SYNRG: variants seen among roughly 807,000 people sequenced by gnomAD.
The protein encoded by SYNRG is AP1 gamma subunit binding protein 1.
Under a neutral mutation model 130.9 loss-of-function variants are expected in SYNRG, and 37 were observed. The ratio of observed to expected loss-of-function variants is 0.28; its 90% CI spans 0.22 to 0.37. The LOEUF (loss-of-function observed/expected upper bound fraction) is 0.37, where lower values mean the gene tolerates loss of function less well. SYNRG is among the 10% of genes least tolerant of loss of function. The pLI, the probability that SYNRG is intolerant of heterozygous loss-of-function variation, is 1.00. For missense variants in SYNRG, 1,338 were observed against 1,588.9 expected (o/e 0.84, Z 2.68); for synonymous variants, 539 against 568.1 (o/e 0.95, Z 0.73).
Position 37,595,229 on chromosome 17 carries a change from G to A in SYNRG, c.240+994C>T, listed in dbSNP as rs191663555. The stretch of plus-strand genomic sequence containing the variant: ...AAACAGAAGCTTTATTTGCATAATC[G>A]ACTTCAAAACAACAATGGTTTCAAC... On this transcript the variant is annotated intron_variant, in intron 3 of 21. Coordinates refer to ENST00000612223, the MANE Select transcript of SYNRG (RefSeq NM_007247.6). Among the ~76,000 whole-genome samples, 14 of 152,166 alleles carry A rather than the reference G, an allele frequency of 9.2e-5. 1 individual carries two copies. Among genetic ancestry groups the A allele is most frequent in the Admixed American group, 1.3e-4 (2 of 15,296 alleles).
At chr17:37,537,399 G>A (rs1388833799) in intron 18 of SYNRG, 1 of 152,458 alleles carries the variant, frequency 6.6e-6, no homozygotes, top group African/African-American at 2.4e-5. Context: ...AGGCCAAGGT[G>A]GGTGGGTCGC....
chr17:37,560,044 T>C (rs2059409527), intron 13 of SYNRG, among the ~76,000 whole-genome samples: 1 of 152,144 alleles, frequency 6.6e-6, no homozygotes, highest in South Asian at 2.1e-4. Context: ...GCCACAGGTG[T>C]GCACCACCAT....
At chr17:37,543,344 A>C (rs893709098) in intron 14 of SYNRG, among the ~76,000 whole-genome samples, 3 of 152,030 alleles carry the variant, frequency 2.0e-5, no homozygotes, top group Admixed American at 2.0e-4. Flanking sequence ...AAAGAAGAAA[A>C]AGAAAGAACT....
intron 3 of SYNRG, among the ~76,000 whole-genome samples, chr17:37,588,255 ATTC>A (rs1406166971): frequency 2.1e-5 from 3 of 142,594 alleles, no homozygotes; most frequent in Non-Finnish European, 4.5e-5. Context: ...TTCACTTTAA[ATTC>A]TTTTTTTTTT....
rs1053686820 is a variant in SYNRG, at chr17:37,594,619, G to A, written c.240+1604C>T. Among the ~76,000 whole-genome samples, 17 of 151,786 alleles carry A rather than the reference G, an allele frequency of 1.1e-4. No individual in the cohort carries two copies. The East Asian group carries it at 1.4e-3, about 12-fold the overall frequency. On this transcript the variant is annotated intron_variant, in intron 3 of 21. Coordinates refer to ENST00000612223, the MANE Select transcript of SYNRG (RefSeq NM_007247.6). Reference sequence around the variant, plus strand: ...TGGGATTACAGGCATGCACCACCACGCCCGGCTAATTTTTGTATTTTTAGT... The same window carrying A: ...TGGGATTACAGGCATGCACCACCACACCCGGCTAATTTTTGTATTTTTAGT...
intron 8 of SYNRG, among the ~76,000 whole-genome samples, chr17:37,574,194 G>A (rs1331913231): frequency 6.6e-6 from 1 of 152,022 alleles, no homozygotes; most frequent in Non-Finnish European, 1.5e-5. Flanking sequence ...TGGAAAAACT[G>A]GATCTCCATA....
chr17:37,569,031 A>T, intron 10 of SYNRG, 107 bp from the exon 11 acceptor site: 1 of 1,209,318 alleles, frequency 8.3e-7, no homozygotes, highest in South Asian at 1.5e-5. Flanking sequence ...CTCAGTTTAG[A>T]TACATTAACT....
At chr17:37,569,625 A>G (rs1326613563) in intron 10 of SYNRG, among the ~76,000 whole-genome samples, 2 of 148,406 alleles carry the variant, frequency 1.3e-5, no homozygotes, top group African/African-American at 5.0e-5. Flanking sequence ...ACTGCACTCC[A>G]GCCTGGGCAA....
At chr17:37,523,585 TC>T (rs1442029260) in intron 19 of SYNRG, among the ~76,000 whole-genome samples, 1 of 152,216 alleles carries the variant, frequency 6.6e-6, no homozygotes, top group Admixed American at 6.5e-5. Context: ...GAATGGAATC[TC>T]AGGTGGGAGC....
intron 6 of SYNRG, among the ~76,000 whole-genome samples, chr17:37,580,763 G>C (rs967146421): frequency 2.0e-5 from 3 of 151,872 alleles, no homozygotes; most frequent in Admixed American, 2.0e-4. Flanking sequence ...TTGAACTCCT[G>C]ACCTCATGAT....
intron 11 of SYNRG, 66 bp downstream of exon 11, chr17:37,568,725 T>TC: frequency 1.9e-6 from 3 of 1,559,190 alleles, no homozygotes; most frequent in Non-Finnish European, 2.6e-6. Flanking sequence ...CACCTAGCCT[T>TC]CCTATTATGG....
Position 37,576,437 on chromosome 17 carries a change from TA to T in SYNRG, c.824-20del. On this transcript the variant is annotated intron_variant, in intron 7 of 21. Transcript: ENST00000612223. The stretch of plus-strand genomic sequence containing the variant: ...CCCACACCTAGAAGGTAAGAAACAT[TA>T]ATGTATATAGTGGTCCATGGAGAAG... The T allele has an allele frequency of 6.2e-7, 1 of 1,610,242 alleles. No individual in the cohort carries two copies. The highest frequency in any genetic ancestry group is 8.5e-7 in the Non-Finnish European group (1 of 1,177,054).
At chr17:37,580,508 T>TGAGAGAGAGAGAGAGAGAGAGA (rs1470548930) in intron 6 of SYNRG, among the ~76,000 whole-genome samples, 5 of 133,704 alleles carry the variant, frequency 3.7e-5, no homozygotes, top group African/African-American at 1.3e-4. Context: ...TGTGTGTGTG[T>TGAGAGAGAGAGAGAGAGAGAGA]GTGAGAGAGA....
Position 37,539,179 on chromosome 17 carries a change from G to C in SYNRG, c.3420+13C>G, listed in dbSNP as rs374874174. ...CACTCACATATGTGTGAACGCGTAA[G>C]TGACATACTCACATTCAGGGCACTC... On this transcript the variant is annotated intron_variant, in intron 17 of 21. Coordinates refer to ENST00000612223, the MANE Select transcript of SYNRG (RefSeq NM_007247.6). The C allele has an allele frequency of 5.0e-6, 8 of 1,613,890 alleles. No homozygotes were observed. In the African/African-American group the frequency reaches 5.3e-5, roughly 11 times the overall value.
intron 19 of SYNRG, among the ~76,000 whole-genome samples, chr17:37,531,319 A>C (rs1031342742): frequency 6.6e-6 from 1 of 152,212 alleles, no homozygotes; most frequent in Non-Finnish European, 1.5e-5. Context: ...GAAGTGGGCA[A>C]GGGTAACAAG....
At chr17:37,569,022 TCA>T in intron 10 of SYNRG, 98 bp from the exon 11 acceptor site, 1 of 1,326,378 alleles carries the variant, frequency 7.5e-7, no homozygotes. Flanking sequence ...TTAAAATTTC[TCA>T]GTTTAGATAC....
intron 8 of SYNRG, 43 bp from the exon 9 acceptor site, chr17:37,572,030 A>G: frequency 3.3e-6 from 5 of 1,534,318 alleles, no homozygotes; most frequent in Non-Finnish European, 3.6e-6. Flanking sequence ...ACACATTCCA[A>G]GTGATTTATT....
intron 13 of SYNRG, among the ~76,000 whole-genome samples, chr17:37,560,550 G>A (rs1334857772): frequency 1.3e-5 from 2 of 151,926 alleles, no homozygotes; most frequent in Non-Finnish European, 2.9e-5. Context: ...TGTTGGCCAG[G>A]CTTGTCTGGA....
At chr17:37,603,949 T>C (rs532945984) in intron 1 of SYNRG, among the ~76,000 whole-genome samples, 7 of 152,238 alleles carry the variant, frequency 4.6e-5, no homozygotes, top group Non-Finnish European at 7.4e-5. Flanking sequence ...TTCACCTGCA[T>C]TGAAAATCTG....
Sources: allele counts gnomAD v4.1 joint callset (sites outside exome capture counted in the v4.1 genomes callset), GRCh38; gene constraint gnomAD v4.1.1; transcripts MANE v1.5; gene names NCBI Gene and HGNC (gene_info 2026-07-23, HGNC 2026-07-21).